Variants in PCDHGA10 observed in about 807,000 individuals in gnomAD.
PCDHGA10 encodes protocadherin gamma subfamily A, 10.
PCDHGA10 carries 42 observed loss-of-function variants against 59.5 expected under a neutral mutation model. The ratio of observed to expected loss-of-function variants is 0.71; its 90% CI spans 0.55 to 0.91. The LOEUF (loss-of-function observed/expected upper bound fraction) is 0.91. PCDHGA10 is among the 40% of genes least tolerant of loss of function. The pLI is 0.00. For missense variants in PCDHGA10, 1,111 were observed against 1,198.2 expected (o/e 0.93, Z 1.07); for synonymous variants, 511 against 517.2 (o/e 0.99, Z 0.16).
At chr5:141,480,871 C>T (rs1262582761) in intron 1 of PCDHGA10, among the ~76,000 whole-genome samples, 1 of 151,930 alleles carries the variant, frequency 6.6e-6, no homozygotes, top group Non-Finnish European at 1.5e-5. Context: ...ATGGTGAAAC[C>T]CCGTCTCTAC....
intron 1 of PCDHGA10, chr5:141,416,818 C>T (rs766541497): frequency 9.9e-5 from 15 of 151,960 alleles, no homozygotes; most frequent in Admixed American, 2.6e-4. Flanking sequence ...AAAAGCATTC[C>T]GAAGTTTCTC....
At chr5:141,478,725 A>C (rs2099473537) in intron 1 of PCDHGA10, 1 of 1,542,096 alleles carries the variant, frequency 6.5e-7, no homozygotes. Flanking sequence ...GGCCTGCCAG[A>C]GTGTGGTTTG....
At chr5:141,417,958 C>T (rs1255501304) in intron 1 of PCDHGA10, 3 of 1,613,720 alleles carry the variant, frequency 1.9e-6, no homozygotes, top group South Asian at 2.2e-5. Context: ...GTGAGCCGAT[C>T]CGCTACTCGA....
intron 1 of PCDHGA10, among the ~76,000 whole-genome samples, chr5:141,488,238 C>G (rs374846692): frequency 6.6e-6 from 1 of 152,154 alleles, no homozygotes; most frequent in African/African-American, 2.4e-5. Context: ...GAACTAGATG[C>G]GGTAAATTGG....
At position 141,431,258 on chromosome 5, in the gene PCDHGA10, C is replaced by G. The variant is rs754250241; in HGVS notation, c.2436+15647C>G. 6.2e-6 allele frequency: 10 copies of G among 1,614,186 alleles called. No individual in the cohort carries two copies. The highest frequency in any genetic ancestry group is 1.6e-4 in the Middle Eastern group (1 of 6,062). ...GGATCCGGATATCGGGAAGAACTCT[C>G]TGCAGAGCTACGAGCTCAGCCCGAA... On this transcript the variant is annotated intron_variant, in intron 1 of 3. Transcript: ENST00000398610. This position sits in a 1 kb window ranked among gnomAD's most constrained non-coding sequence, Gnocchi z 4.8.
At chr5:141,427,400 A>T in intron 1 of PCDHGA10, 1 of 461,200 alleles carries the variant, frequency 2.2e-6, no homozygotes, top group Non-Finnish European at 4.3e-6. Context: ...CACATGATAA[A>T]GATTCGAGAG....
At chr5:141,420,392 G>A (rs1480059498) in intron 1 of PCDHGA10, 2 of 1,268,940 alleles carry the variant, frequency 1.6e-6, no homozygotes, top group East Asian at 5.5e-5. Context: ...CAAAATATAG[G>A]TCAAATTTAT....
In PCDHGA10 at chr5:141,510,932, CCT is replaced by C. The variant is rs753455267; in HGVS notation, c.2585-12_2585-11del. 6 of 1,613,998 alleles carry C rather than the reference CCT, an allele frequency of 3.7e-6. No homozygotes were observed. The highest frequency in any genetic ancestry group is 1.1e-5 in the South Asian group (1 of 91,082). ...CTAAGTTTAGCTCCCACCTGATCTTCCTCTGTCTCTGCAGAAGCTGCTGATGG... is the reference window on the plus strand; with the variant it reads ...CTAAGTTTAGCTCCCACCTGATCTTCCTGTCTCTGCAGAAGCTGCTGATGG... On this transcript the variant is annotated splice_polypyrimidine_tract_variant and intron_variant, in intron 3 of 3. Coordinates refer to ENST00000398610, the MANE Select transcript of PCDHGA10 (RefSeq NM_018913.3).
chr5:141,490,933 C>T lies in PCDHGA10; in HGVS notation c.2437-3874C>T, dbSNP rs781291690. ...CGAGAATGATAATGCCCCAGCTGTG[C>T]TGCACCCACGGCCAGACTGGGAACA... On this transcript the variant is annotated intron_variant, in intron 1 of 3. Transcript: ENST00000398610. The surrounding 1 kb of genome is among the most constrained non-coding windows in gnomAD (Gnocchi z 5.4). 5.0e-6 allele frequency: 8 copies of T among 1,613,702 alleles called. No individual in the cohort carries two copies. The highest frequency in any genetic ancestry group is 5.9e-6 in the Non-Finnish European group (7 of 1,179,770).
intron 2 of PCDHGA10, among the ~76,000 whole-genome samples, chr5:141,499,022 A>C (rs1244590420): frequency 2.7e-5 from 4 of 150,722 alleles, no homozygotes; most frequent in Admixed American, 2.0e-4. Context: ...GGAAGGAAGG[A>C]AGGAAGAAAA....
chr5:141,501,331 A>T (rs1024837974), intron 2 of PCDHGA10, among the ~76,000 whole-genome samples: 2 of 138,846 alleles, frequency 1.4e-5, no homozygotes, highest in Non-Finnish European at 1.6e-5. Flanking sequence ...ACACACACAC[A>T]CACCCCAAAC....
At chr5:141,473,735 A>G (rs529416084) in intron 1 of PCDHGA10, among the ~76,000 whole-genome samples, 75 of 152,352 alleles carry the variant, frequency 4.9e-4, no homozygotes, top group African/African-American at 1.6e-3. Context: ...GAGAGGGAGA[A>G]GACATGAGAA....
chr5:141,421,593 G>A lies in PCDHGA10; in HGVS notation c.2436+5982G>A, dbSNP rs780085355. ...CCTTGAAGATTTACGGAGTGGAGGTGGAAATAATAGATATTAATGATAACG... is the reference window on the plus strand; with the variant it reads ...CCTTGAAGATTTACGGAGTGGAGGTAGAAATAATAGATATTAATGATAACG... On this transcript the variant is annotated intron_variant, in intron 1 of 3. Coordinates refer to ENST00000398610, the MANE Select transcript of PCDHGA10 (RefSeq NM_018913.3). 6 of 1,613,840 alleles carry A rather than the reference G, an allele frequency of 3.7e-6. No individual in the cohort carries two copies. In the East Asian group the frequency reaches 1.1e-4, roughly 30 times the overall value.
In PCDHGA10 at chr5:141,432,088, A is replaced by T. The variant is rs144317211; in HGVS notation, c.2436+16477A>T. The T allele has an allele frequency of 2.9e-5, 47 of 1,614,148 alleles. No individual in the cohort carries two copies. In the African/African-American group the frequency reaches 5.7e-4, roughly 20 times the overall value. On this transcript the variant is annotated intron_variant, in intron 1 of 3. Transcript: ENST00000398610. This position sits in a 1 kb window ranked among gnomAD's most constrained non-coding sequence, Gnocchi z 6.0. Reference sequence around the variant, plus strand: ...AAACTCATATCTCGCTGAACGTGGCAGACACCAACGACAACCCGCCGGTCT... The same window carrying T: ...AAACTCATATCTCGCTGAACGTGGCTGACACCAACGACAACCCGCCGGTCT...
intron 1 of PCDHGA10, chr5:141,423,753 G>GC (rs1489142243): frequency 4.8e-6 from 3 of 626,014 alleles, no homozygotes; most frequent in African/African-American, 5.1e-5. Context: ...AACTGTTTGG[G>GC]GGGGGGGTGG....
At chr5:141,500,184 T>TTATA (rs530565701) in intron 2 of PCDHGA10, among the ~76,000 whole-genome samples, 2 of 135,886 alleles carry the variant, frequency 1.5e-5, no homozygotes, top group Non-Finnish European at 3.2e-5. Flanking sequence ...TCATTTTTAT[T>TTATA]TTTATTTATT....
chr5:141,438,764 C>T (rs963627140), intron 1 of PCDHGA10, among the ~76,000 whole-genome samples: 38 of 148,736 alleles, frequency 2.6e-4, no homozygotes, highest in African/African-American at 9.4e-4. Context: ...TGGGTTCAAG[C>T]GATTCTCCTG....
Position 141,413,445 on chromosome 5 carries a change from C to G in PCDHGA10, c.270C>G (p.Thr90=), listed in dbSNP as rs764464917. 6.5e-5 allele frequency: 105 copies of G among 1,613,986 alleles called. No individual in the cohort carries two copies. Among genetic ancestry groups the G allele is most frequent in the Non-Finnish European group, 8.5e-5 (100 of 1,179,984 alleles). Residue 90 remains threonine, a synonymous_variant, in exon 1 of 4, where the codon ACC becomes ACG. Transcript: ENST00000398610. ...ACCCGCGCAGCGGCAGCTTGATCAC[C>G]GCGGGCAGGATAGACCGGGAGGAGC... ...SLNPRSGSLI[T]AGRIDREELC...
chr5:141,420,080 C>G, intron 1 of PCDHGA10: 2 of 1,614,010 alleles, frequency 1.2e-6, no homozygotes, highest in African/African-American at 1.3e-5. Flanking sequence ...TGTGGGTCCC[C>G]CCAACTACAG....
Sources: gnomAD v4.1 joint callset for allele counts (sites outside exome capture counted in the v4.1 genomes callset) on GRCh38, gnomAD v4.1.1 for gene constraint, Gnocchi (gnomAD v3.1) non-coding constraint, MANE v1.5 for transcripts, NCBI Gene and HGNC (gene_info 2026-07-23, HGNC 2026-07-21) for gene names.